DUSP14: variants seen among roughly 807,000 people sequenced by gnomAD.
The protein encoded by DUSP14 is dual specificity phosphatase 14, also known as dual specificity protein phosphatase 14.
In DUSP14, 5 loss-of-function variants were observed where a neutral mutation model predicts 13.2. That is an observed-to-expected ratio of 0.38 (90% CI 0.20 to 0.80). The LOEUF is 0.80. Ranked by LOEUF, DUSP14 falls within the 30% of genes least tolerant of loss-of-function variation. The probability of loss-of-function intolerance (pLI) is 0.44; values close to 1 mark genes in which losing one functional copy is unlikely to be tolerated. For missense variants in DUSP14, 185 were observed against 264.0 expected, an observed-to-expected ratio of 0.70 and a Z score of 2.07; for synonymous variants, 91 against 103.4, an observed-to-expected ratio of 0.88 and a Z score of 0.73.
chr17:37,502,811 G>A (rs2102880), intron 1 of DUSP14, among the ~76,000 whole-genome samples: 15,463 of 152,086 alleles, frequency 0.1, 929 homozygotes, highest in East Asian at 0.24. Flanking sequence ...AAGAGAACAA[G>A]GTAGCAGTGT....
At chr17:37,489,673 G>A (rs556354598), upstream of DUSP14, among the ~76,000 whole-genome samples, 15 of 151,938 alleles carry the variant, frequency 9.9e-5, no homozygotes, top group Admixed American at 2.0e-4. Context: ...AGCGCTCTAG[G>A]GGAGGCTGCT....
intron 1 of DUSP14, among the ~76,000 whole-genome samples, chr17:37,504,358 C>T (rs886719244): frequency 2.0e-5 from 3 of 152,174 alleles, no homozygotes; most frequent in South Asian, 2.1e-4. Flanking sequence ...GTGGCTGAAC[C>T]GGAGTGTGAC....
At chr17:37,499,539 T>G (rs141875197) in intron 1 of DUSP14, among the ~76,000 whole-genome samples, 14,210 of 151,910 alleles carry the variant, frequency 0.094, 876 homozygotes, top group East Asian at 0.24. Flanking sequence ...GTTTGTTTTT[T>G]GTTTTTTGAG....
At position 37,512,923 on chromosome 17, in the gene DUSP14, C is replaced by T. The variant is rs979513064; in HGVS notation, c.*54C>T. On this transcript the variant is annotated 3_prime_UTR_variant, in exon 3 of 3. Transcript: ENST00000617516. This position sits in a 1 kb window ranked among gnomAD's most constrained non-coding sequence, Gnocchi z 4.8. ...AGCGGGGCCGGCATCTGCTCCCCGC[C>T]GTCTGCTCCCTCTCCACTCTCTTCT... is the stretch of plus-strand genomic sequence containing the variant. The T allele has an allele frequency of 1.7e-5, 24 of 1,417,712 alleles. No individual in the cohort carries two copies. The highest frequency in any genetic ancestry group is 9.9e-5 in the African/African-American group (7 of 70,454). 87.8% of individuals were successfully genotyped at this position (1,417,712 alleles called of 1,614,324 possible).
At chr17:37,499,026 C>G (rs144728626) in intron 1 of DUSP14, among the ~76,000 whole-genome samples, 2 of 152,280 alleles carry the variant, frequency 1.3e-5, no homozygotes, top group Middle Eastern at 3.4e-3. Flanking sequence ...CCCATTCTCA[C>G]GCTGCTATGA....
intron 1 of DUSP14, among the ~76,000 whole-genome samples, chr17:37,509,117 A>ATGTGTG (rs1315485762): frequency 0.063 from 2,575 of 40,722 alleles, 484 homozygotes; most frequent in East Asian, 0.24. Context: ...ATATATATAT[A>ATGTGTG]TATATATATA....
chr17:37,508,306 C>G (rs1296937209), intron 1 of DUSP14, among the ~76,000 whole-genome samples: 3 of 152,112 alleles, frequency 2.0e-5, no homozygotes, highest in Non-Finnish European at 4.4e-5. Context: ...CTCAGAAAGG[C>G]AACTCTTCCA....
At chr17:37,501,866 A>G (rs1302777410) in intron 1 of DUSP14, among the ~76,000 whole-genome samples, 3 of 152,132 alleles carry the variant, frequency 2.0e-5, no homozygotes, top group Admixed American at 2.0e-4. Flanking sequence ...CATGGTATAC[A>G]ATCTATAAAA....
chr17:37,504,958 C>G (rs1245956281), intron 1 of DUSP14, among the ~76,000 whole-genome samples: 4 of 152,200 alleles, frequency 2.6e-5, no homozygotes, highest in Non-Finnish European at 4.4e-5. Flanking sequence ...ATGGCACGAT[C>G]TTGGCTCACT....
intron 2 of DUSP14, among the ~76,000 whole-genome samples, chr17:37,511,120 A>G (rs2054181930): frequency 6.6e-6 from 1 of 152,216 alleles, no homozygotes; most frequent in African/African-American, 2.4e-5. Flanking sequence ...CTCAGAATTA[A>G]GGTGAAGTTA....
In DUSP14 at chr17:37,512,756, G is replaced by A. The variant is rs1238756767; in HGVS notation, c.484G>A (p.Glu162Lys). The change falls in exon 3 of 3, where the codon GAG becomes AAG. Residue 162 changes from glutamate to lysine, a missense_variant. Physicochemically the swap from Glu to Lys is moderately conservative, Grantham distance 56 (BLOSUM62 1). Transcript: ENST00000617516. The surrounding 1 kb of genome is among the most constrained non-coding windows in gnomAD (Gnocchi z 4.8). ...CTTCTGGAGGCAACTGATAGACTAC[G>A]AGCGCCAGCTCTTTGGGAAGTCGAC... Reference protein sequence around the residue: ...VGFWRQLIDYERQLFGKSTVK... With the variant: ...VGFWRQLIDYKRQLFGKSTVK... 1 of 1,613,744 alleles carries A rather than the reference G, an allele frequency of 6.2e-7. No individual in the cohort carries two copies. Among genetic ancestry groups the A allele is most frequent in the Admixed American group, 1.7e-5 (1 of 60,012 alleles).
chr17:37,488,869 AC>A (rs1276268229), upstream of DUSP14, among the ~76,000 whole-genome samples: 4 of 152,058 alleles, frequency 2.6e-5, no homozygotes, highest in South Asian at 4.2e-4. Context: ...TCTCCCCTCC[AC>A]CCCTCCCCGC....
chr17:37,509,152 C>T (rs184934290), intron 1 of DUSP14, among the ~76,000 whole-genome samples: 2,464 of 55,060 alleles, frequency 0.045, 474 homozygotes, highest in East Asian at 0.33. Context: ...CACACACACA[C>T]ACACACACAC....
chr17:37,507,368 C>T (rs958596411), intron 1 of DUSP14, among the ~76,000 whole-genome samples: 4 of 152,210 alleles, frequency 2.6e-5, no homozygotes, highest in African/African-American at 9.6e-5. Flanking sequence ...AGTACCCTAG[C>T]GCCACTCAGC....
chr17:37,505,269 G>C (rs1406343361), intron 1 of DUSP14, among the ~76,000 whole-genome samples: 1 of 152,148 alleles, frequency 6.6e-6, no homozygotes, highest in Non-Finnish European at 1.5e-5. Context: ...GCTCACCCCT[G>C]TAATCCCAAG....
At chr17:37,502,089 T>C (rs1425797319) in intron 1 of DUSP14, among the ~76,000 whole-genome samples, 1 of 152,208 alleles carries the variant, frequency 6.6e-6, no homozygotes, top group Non-Finnish European at 1.5e-5. Context: ...TGTATATCCC[T>C]GCTCTAGTTA....
At chr17:37,508,903 C>A (rs188350267) in intron 1 of DUSP14, among the ~76,000 whole-genome samples, 2 of 147,850 alleles carry the variant, frequency 1.4e-5, no homozygotes, top group African/African-American at 5.0e-5. Context: ...AAGACCTGTA[C>A]GTGGATGCTC....
intron 1 of DUSP14, among the ~76,000 whole-genome samples, chr17:37,498,974 G>A (rs921108476): frequency 2.0e-5 from 3 of 152,134 alleles, no homozygotes; most frequent in African/African-American, 7.2e-5. Flanking sequence ...TGCTGTGATG[G>A]TTTTATAACT....
In DUSP14 at chr17:37,501,110, T is replaced by C. The variant is rs539203800; in HGVS notation, c.-180-9567T>C. Among the ~76,000 whole-genome samples, 11 of 152,232 alleles carry C rather than the reference T, an allele frequency of 7.2e-5. No homozygotes were observed. The South Asian group carries it at 2.3e-3, about 32-fold the overall frequency. ...GTCTGGGAAAGCTTCTTAACCTCCA[T>C]TTACCTCTGATTCTCTGGGAACTGC... is the stretch of plus-strand genomic sequence containing the variant. On this transcript the variant is annotated intron_variant, in intron 1 of 2. Transcript: ENST00000617516.
Sources: allele counts gnomAD v4.1 joint callset (sites outside exome capture counted in the v4.1 genomes callset), GRCh38; gene constraint gnomAD v4.1.1; non-coding constraint Gnocchi (gnomAD v3.1); transcripts MANE v1.5; gene names NCBI Gene and HGNC (gene_info 2026-07-23, HGNC 2026-07-21).